The following EPHB2 variants were observed in gnomAD, a reference collection of about 807,000 sequenced individuals.
The protein encoded by EPHB2 is ephrin type-B receptor 2.
In EPHB2, 18 loss-of-function variants were observed where a neutral mutation model predicts 96.4. That is an observed-to-expected ratio of 0.19 (90% CI 0.13 to 0.28). EPHB2 has a LOEUF of 0.28. Among genes scored for constraint, EPHB2 ranks in the 10% least tolerant of loss-of-function variants. EPHB2 has a pLI of 1.00. For synonymous variants in EPHB2, 506 were observed against 534.1 expected (o/e 0.95, Z 0.72); for missense variants, 989 against 1,355.4 (o/e 0.73, Z 4.25).
chr1:22,715,857 G>T (rs1643279764), intron 1 of EPHB2, among the ~76,000 whole-genome samples: 1 of 152,242 alleles, frequency 6.6e-6, no homozygotes, highest in Admixed American at 6.5e-5. Context: ...GTGCTCTGGG[G>T]CGAGGAGCGC....
At chr1:22,903,975 A>G (rs1176163646) in intron 9 of EPHB2, among the ~76,000 whole-genome samples, 3 of 152,326 alleles carry the variant, frequency 2.0e-5, no homozygotes, top group Admixed American at 1.3e-4. Flanking sequence ...AAACATATAC[A>G]TGTATAAAAT....
chr1:22,827,336 CTGTG>C (rs1645239446), intron 3 of EPHB2, among the ~76,000 whole-genome samples: 1 of 152,228 alleles, frequency 6.6e-6, no homozygotes, highest in Admixed American at 6.5e-5. Flanking sequence ...TTGCTCCCAT[CTGTG>C]TGTGCTCTGC....
In EPHB2 at chr1:22,839,182, A is replaced by G. The variant is rs576292796; in HGVS notation, c.812-23855A>G. ...ATCAATCACGATGCTCTTCCTGCCA[A>G]CCCACATGCTACTTCAGGATCTTCT... On this transcript the variant is annotated intron_variant, in intron 3 of 15. Coordinates refer to ENST00000374630, the MANE Select transcript of EPHB2 (RefSeq NM_017449.5). Among the ~76,000 whole-genome samples the G allele has an allele frequency of 2.2e-4, 33 of 152,272 alleles. No individual in the cohort carries two copies. In the South Asian group the frequency reaches 5.0e-3, roughly 23 times the overall value.
chr1:22,719,066 T>C (rs1433617145), intron 1 of EPHB2, among the ~76,000 whole-genome samples: 10 of 152,244 alleles, frequency 6.6e-5, no homozygotes, highest in Admixed American at 6.5e-4. Context: ...TCTGTGATAA[T>C]GGTCAGAATA....
intron 3 of EPHB2, among the ~76,000 whole-genome samples, chr1:22,814,893 G>A (rs574847408): frequency 2.0e-5 from 3 of 152,208 alleles, no homozygotes; most frequent in East Asian, 1.9e-4. Context: ...GTACATTTGC[G>A]CCTTTATGAG....
intron 3 of EPHB2, among the ~76,000 whole-genome samples, chr1:22,789,713 G>T (rs1335912476): frequency 6.6e-6 from 1 of 152,228 alleles, no homozygotes; most frequent in African/African-American, 2.4e-5. Context: ...TGAGTGGGTG[G>T]ATAGGAGAAG....
intron 1 of EPHB2, among the ~76,000 whole-genome samples, chr1:22,742,558 C>T (rs1557647775): frequency 6.6e-6 from 1 of 152,110 alleles, no homozygotes; most frequent in African/African-American, 2.4e-5. Flanking sequence ...AATGGCTATT[C>T]GCAGAAGCAA....
intron 5 of EPHB2, among the ~76,000 whole-genome samples, chr1:22,874,174 T>C (rs1446322923): frequency 6.6e-6 from 1 of 152,216 alleles, no homozygotes; most frequent in Non-Finnish European, 1.5e-5. Context: ...ACAGCTGCAT[T>C]TGGCTCACAT....
At chr1:22,819,956 A>T (rs941934261) in intron 3 of EPHB2, among the ~76,000 whole-genome samples, 6 of 151,542 alleles carry the variant, frequency 4.0e-5, no homozygotes, top group Non-Finnish European at 1.5e-5. Context: ...TACCCACACC[A>T]CTCATGTATC....
rs1451810268 is a variant in EPHB2 at position 22,907,977 on chromosome 1, A to G, written c.2161A>G (p.Ile721Val). 2.5e-6 allele frequency: 4 copies of G among 1,614,134 alleles called. No individual in the cohort carries two copies. In the African/African-American group the frequency reaches 4.0e-5, roughly 16 times the overall value. Residue 721 changes from isoleucine (I) to valine (V), a missense_variant, in exon 12 of 16, where the codon ATC (isoleucine) becomes GTC (valine). By Grantham distance (29) the Ile-to-Val change is conservative (BLOSUM62 3). Coordinates refer to ENST00000374630, the MANE Select transcript of EPHB2 (RefSeq NM_017449.5). ...LRQNDGQFTV[I>V]QLVGMLRGIA... ...GCAAAACGATGGGCAGTTCACAGTC[A>G]TCCAGCTGGTGGGCATGCTTCGGGG...
chr1:22,879,524 G>C (rs1638961769), intron 5 of EPHB2, among the ~76,000 whole-genome samples: 1 of 152,228 alleles, frequency 6.6e-6, no homozygotes, highest in African/African-American at 2.4e-5. Flanking sequence ...CTGAAGGCAG[G>C]TGGGAAGTAG....
chr1:22,912,223 C>G (rs1022027840), intron 14 of EPHB2, among the ~76,000 whole-genome samples: 6 of 152,206 alleles, frequency 3.9e-5, no homozygotes, highest in African/African-American at 1.2e-4. Flanking sequence ...TGCACACACA[C>G]TCACTCTCGC....
intron 3 of EPHB2, among the ~76,000 whole-genome samples, chr1:22,851,743 G>A (rs1645628615): frequency 1.3e-5 from 2 of 152,190 alleles, no homozygotes; most frequent in East Asian, 1.9e-4. Flanking sequence ...TCACGTGCTA[G>A]CAACCCTGAA....
chr1:22,801,904 A>G (rs1415362366), intron 3 of EPHB2, among the ~76,000 whole-genome samples: 1 of 152,120 alleles, frequency 6.6e-6, no homozygotes, highest in African/African-American at 2.4e-5. Context: ...TGGGAATCCA[A>G]TTAGAGGAGC....
intron 1 of EPHB2, among the ~76,000 whole-genome samples, chr1:22,731,045 G>A (rs960981448): frequency 6.6e-6 from 1 of 152,104 alleles, no homozygotes; most frequent in African/African-American, 2.4e-5. Flanking sequence ...CAGAGGGGGC[G>A]GAGAGAAAAT....
chr1:22,733,688 A>G lies in EPHB2; in HGVS notation c.61+22645A>G, dbSNP rs1256512992. On this transcript the variant is annotated intron_variant, in intron 1 of 15. Transcript: ENST00000374630. The surrounding 1 kb of genome is among the most constrained non-coding windows in gnomAD (Gnocchi z 4.6). The stretch of plus-strand genomic sequence containing the variant: ...AATTGCCCAAGGCCACATAGCCAGT[A>G]AGGGGCGGAAATGGGATTTGAACCC... 6.6e-6 allele frequency among the ~76,000 whole-genome samples: 1 copy of G among 152,220 alleles called. No homozygotes were observed. Among genetic ancestry groups the G allele is most frequent in the African/African-American group, 2.4e-5 (1 of 41,446 alleles).
At chr1:22,753,275 C>G (rs574347407) in intron 1 of EPHB2, among the ~76,000 whole-genome samples, 94 of 152,310 alleles carry the variant, frequency 6.2e-4, no homozygotes, top group Admixed American at 1.1e-3. Flanking sequence ...CTTCAGGTGC[C>G]TCATCTGTAA....
At chr1:22,912,321 C>T (rs999075533) in intron 14 of EPHB2, 123 bp from the exon 15 acceptor site, 17 of 1,405,832 alleles carry the variant, frequency 1.2e-5, no homozygotes, top group Middle Eastern at 2.4e-4. Flanking sequence ...TACCCCTTCA[C>T]CTGTGTTCAC....
In EPHB2 at chr1:22,858,119, A is replaced by G. The variant is rs138593019; in HGVS notation, c.812-4918A>G. ...GGGGTCTGAAGGAGGAAAAGGAGCC[A>G]GCGACGGGAAGAGCAGGGAAAGCCT... On this transcript the variant is annotated intron_variant, in intron 3 of 15. Transcript: ENST00000374630. The surrounding 1 kb of genome is among the most constrained non-coding windows in gnomAD (Gnocchi z 7.7). Among the ~76,000 whole-genome samples the G allele has an allele frequency of 6.6e-6, 1 of 152,306 alleles. No homozygotes were observed. The highest frequency in any genetic ancestry group is 1.5e-5 in the Non-Finnish European group (1 of 68,028).
Sources: gnomAD v4.1 joint callset for allele counts (sites outside exome capture counted in the v4.1 genomes callset) on GRCh38, gnomAD v4.1.1 for gene constraint, Gnocchi (gnomAD v3.1) non-coding constraint, MANE v1.5 for transcripts, NCBI Gene and HGNC (gene_info 2026-07-23, HGNC 2026-07-21) for gene names.